The following CNTN6 variants were observed in gnomAD, a reference collection of about 807,000 sequenced individuals.
CNTN6 encodes the protein contactin-6.
A neutral mutation model predicts 122.8 loss-of-function variants in CNTN6; 137 were observed. That is an observed-to-expected ratio of 1.12 (90% CI 0.97 to 1.29). The LOEUF (loss-of-function observed/expected upper bound fraction) is 1.29, where lower values mean the gene tolerates loss of function less well. Ranked by LOEUF, CNTN6 falls within the 50% of genes most tolerant of loss-of-function variation. The pLI, the probability that CNTN6 is intolerant of heterozygous loss-of-function variation, is 0.00. For missense variants in CNTN6, 1,634 were observed against 1,223.4 expected, an observed-to-expected ratio of 1.34 and a Z score of -5.01; for synonymous variants, 570 against 426.0, an observed-to-expected ratio of 1.34 and a Z score of -4.16.
chr3:1,249,971 C>T (rs1036248161), intron 4 of CNTN6, among the ~76,000 whole-genome samples: 3 of 151,818 alleles, frequency 2.0e-5, no homozygotes, highest in African/African-American at 7.3e-5. Context: ...TGTTTTTGTA[C>T]TTTTCTCAGT....
At chr3:1,093,570 A>C (rs945042139) in intron 1 of CNTN6, among the ~76,000 whole-genome samples, 1 of 150,338 alleles carries the variant, frequency 6.7e-6, no homozygotes, top group African/African-American at 2.5e-5. Flanking sequence ...TGGGGTTTGC[A>C]GTTCTCACCG....
At chr3:1,369,001 G>A (rs888002882) in intron 12 of CNTN6, among the ~76,000 whole-genome samples, 2 of 151,990 alleles carry the variant, frequency 1.3e-5, no homozygotes, top group East Asian at 1.9e-4. Flanking sequence ...CATCTTCTTC[G>A]CTTTCACTCC....
At chr3:1,160,565 GT>G (rs1177789570) in intron 2 of CNTN6, among the ~76,000 whole-genome samples, 7 of 149,304 alleles carry the variant, frequency 4.7e-5, no homozygotes, top group African/African-American at 7.4e-5. Context: ...GGACCTTGGT[GT>G]TTTTAAAAGG....
At chr3:1,106,544 G>A (rs765410612) in intron 1 of CNTN6, among the ~76,000 whole-genome samples, 8 of 142,994 alleles carry the variant, frequency 5.6e-5, no homozygotes, top group East Asian at 2.0e-4. Context: ...ACACACACAC[G>A]CACAATCTCT....
At chr3:1,361,277 C>T (rs1575859348) in intron 12 of CNTN6, among the ~76,000 whole-genome samples, 1 of 152,134 alleles carries the variant, frequency 6.6e-6, no homozygotes, top group African/African-American at 2.4e-5. Flanking sequence ...GTAATAGCTT[C>T]AAAAGCATTT....
intron 11 of CNTN6, among the ~76,000 whole-genome samples, chr3:1,344,595 A>G (rs1350357503): frequency 6.6e-6 from 1 of 152,112 alleles, no homozygotes; most frequent in Non-Finnish European, 1.5e-5. Flanking sequence ...ATACGAGGAG[A>G]AGAGAGTTTA....
intron 2 of CNTN6, among the ~76,000 whole-genome samples, chr3:1,161,032 A>G (rs192132528): frequency 8.6e-5 from 13 of 151,828 alleles, no homozygotes; most frequent in Admixed American, 7.9e-4. Flanking sequence ...TATGGTGGAA[A>G]TATCATATCA....
At position 1,161,749 on chromosome 3, in the gene CNTN6, A is replaced by AAT. The variant is rs60499031; in HGVS notation, c.55+13701_55+13702dup. 2.4e-3 allele frequency among the ~76,000 whole-genome samples: 342 copies of AAT among 144,224 alleles called. 1 individual carries two copies. Among genetic ancestry groups the AAT allele is most frequent in the East Asian group, 8.3e-3 (41 of 4,944 alleles). 94.6% of individuals were successfully genotyped at this position (144,224 alleles called of 152,430 possible). On this transcript the variant is annotated intron_variant, in intron 2 of 22. Coordinates refer to ENST00000446702, the MANE Select transcript of CNTN6 (RefSeq NM_001289080.2). ...ACCAAGACCCCATGGTGCCCTTAGG[A>AAT]ATATATATATATATATGTATACACA... is the stretch of plus-strand genomic sequence containing the variant.
chr3:1,329,911 C>G lies in CNTN6; in HGVS notation c.1340C>G (p.Thr447Arg), dbSNP rs370701039. ...GCAGCTATCTCTTGGAAAAGAGGAA[C>G]GGAGACCCTTAGACAAAGCAAAAGG... is the stretch of plus-strand genomic sequence containing the variant. ...PRAAISWKRGTETLRQSKRIF... is the reference protein window; with the variant it reads ...PRAAISWKRGRETLRQSKRIF... The change falls in exon 11 of 23, where the codon ACG (threonine) becomes AGG (arginine). Residue 447 changes from threonine to arginine, a missense_variant. Coordinates refer to ENST00000446702, the MANE Select transcript of CNTN6 (RefSeq NM_001289080.2). The G allele has an allele frequency of 6.2e-7, 1 of 1,609,168 alleles. No individual in the cohort carries two copies. Among genetic ancestry groups the G allele is most frequent in the South Asian group, 1.1e-5 (1 of 90,662 alleles).
At chr3:1,397,679 G>T (rs573366572) in intron 20 of CNTN6, among the ~76,000 whole-genome samples, 8 of 152,212 alleles carry the variant, frequency 5.3e-5, no homozygotes, top group Middle Eastern at 3.4e-3. Flanking sequence ...GTATTCAGAC[G>T]CAATAACTAA....
chr3:1,379,603 C>G (rs1710365000), intron 17 of CNTN6, among the ~76,000 whole-genome samples: 1 of 152,052 alleles, frequency 6.6e-6, no homozygotes, highest in Admixed American at 6.6e-5. Flanking sequence ...AGTTTACTCT[C>G]TGGCCCTCTA....
chr3:1,297,637 T>C (rs2125872423), intron 6 of CNTN6, among the ~76,000 whole-genome samples: 1 of 131,634 alleles, frequency 7.6e-6, no homozygotes, highest in South Asian at 2.2e-4. Flanking sequence ...GTTGTTTTTT[T>C]CTTTTTTTTT....
intron 4 of CNTN6, among the ~76,000 whole-genome samples, chr3:1,246,304 A>G (rs2094582939): frequency 6.6e-6 from 1 of 152,140 alleles, no homozygotes. Context: ...GCAATATATA[A>G]TATATTGCTT....
rs112147469 is a variant in CNTN6, at chr3:1,152,044, A to C, written c.55+3981A>C. ...TAACCAAATTAATAAACGGAGAAAA[A>C]CTTATAACTGTAAGTCTACTTTTTG... is the stretch of plus-strand genomic sequence containing the variant. On this transcript the variant is annotated intron_variant, in intron 2 of 22. Transcript: ENST00000446702. Among the ~76,000 whole-genome samples, 339 of 152,264 alleles carry C rather than the reference A, an allele frequency of 2.2e-3. 3 individuals are homozygous for C. In the Middle Eastern group the frequency reaches 0.024, roughly 11 times the overall value.
chr3:1,296,912 C>T (rs112328364), intron 6 of CNTN6, among the ~76,000 whole-genome samples: 1,795 of 152,168 alleles, frequency 0.012, 22 homozygotes, highest in Middle Eastern at 0.11. Flanking sequence ...TTCCTTCCTT[C>T]TTCTATCCCC....
At position 1,158,801 on chromosome 3, in the gene CNTN6, T is replaced by TACACATATATATAC. The variant is rs2093038516; in HGVS notation, c.55+10743_55+10744insTATATATACACACA. The stretch of plus-strand genomic sequence containing the variant: ...ATGTGTGTATATATGTGTATATATA[T>TACACATATATATAC]ACACACATATATATACACACACATA... On this transcript the variant is annotated intron_variant, in intron 2 of 22. Transcript: ENST00000446702. Among the ~76,000 whole-genome samples the TACACATATATATAC allele has an allele frequency of 3.0e-5, 4 of 132,990 alleles. 1 individual carries two copies. The highest frequency in any genetic ancestry group is 6.3e-5 in the Non-Finnish European group (4 of 63,972). 87.2% of individuals were successfully genotyped at this position (132,990 alleles called of 152,430 possible). A position where few individuals can be genotyped will look rare whatever the true frequency, so the allele number is the denominator to read the frequency against.
intron 20 of CNTN6, 124 bp from the exon 21 acceptor site, chr3:1,401,309 G>A: frequency 1.4e-6 from 1 of 717,818 alleles, no homozygotes; most frequent in Non-Finnish European, 2.4e-6. Context: ...AAATGACACT[G>A]AAGACATTTT....
Position 1,158,969 on chromosome 3 carries a change from C to CACACACACACATATATAT in CNTN6, c.55+10907_55+10908insCACACACACATATATATA, listed in dbSNP as rs1553610778. ...ATATATATATACACACACACACACA[C>CACACACACACATATATAT]ATATATATATATATAGACAAGGTCT... On this transcript the variant is annotated intron_variant, in intron 2 of 22. Transcript: ENST00000446702. Among the ~76,000 whole-genome samples the CACACACACACATATATAT allele has an allele frequency of 2.7e-5, 3 of 112,966 alleles. 1 individual carries two copies. The highest frequency in any genetic ancestry group is 1.1e-4 in the African/African-American group (3 of 26,280). 74.1% of individuals were successfully genotyped at this position (112,966 alleles called of 152,430 possible). A position where few individuals can be genotyped will look rare whatever the true frequency, so the allele number is the denominator to read the frequency against.
intron 1 of CNTN6, among the ~76,000 whole-genome samples, chr3:1,147,108 C>T (rs1308726479): frequency 6.6e-6 from 1 of 152,022 alleles, no homozygotes; most frequent in Non-Finnish European, 1.5e-5. Flanking sequence ...TATCATCACA[C>T]TTAAACTCCA....
Sources: allele counts gnomAD v4.1 joint callset (sites outside exome capture counted in the v4.1 genomes callset), GRCh38; gene constraint gnomAD v4.1.1; transcripts MANE v1.5; gene names NCBI Gene and HGNC (gene_info 2026-07-23, HGNC 2026-07-21).